The following DAB1 variants were observed in gnomAD, a reference collection of about 807,000 sequenced individuals.
The protein encoded by DAB1 is disabled homolog 1.
Under a neutral mutation model 64.6 loss-of-function variants are expected in DAB1, and 15 were observed. The ratio of observed to expected loss-of-function variants is 0.23; its 90% CI spans 0.16 to 0.36. The LOEUF (loss-of-function observed/expected upper bound fraction) is 0.36. Ranked by LOEUF, DAB1 falls within the 10% of genes least tolerant of loss-of-function variation. The pLI is 1.00. For synonymous variants in DAB1, 235 were observed against 251.9 expected (o/e 0.93, Z 0.64); for missense variants, 596 against 706.7 (o/e 0.84, Z 1.78).
At chr1:57,287,199 G>C (rs369999560) in intron 2 of DAB1, among the ~76,000 whole-genome samples, 3 of 152,304 alleles carry the variant, frequency 2.0e-5, no homozygotes, top group Admixed American at 1.3e-4. Context: ...AGCCTCCTGA[G>C]TAGCTGGGAC....
At position 57,839,379 on chromosome 1, in the gene DAB1, C is replaced by G. The variant is rs1296179875; in HGVS notation, n.88-12924G>C. 5.9e-5 allele frequency among the ~76,000 whole-genome samples: 9 copies of G among 152,028 alleles called. No individual in the cohort carries two copies. The East Asian group carries it at 1.7e-3, about 29-fold the overall frequency. The stretch of plus-strand genomic sequence containing the variant: ...CAACATTCCTGATGACATGAAGTGC[C>G]CCAGATCTCTCCTATTCTTCTCTGA... On this transcript the variant is annotated intron_variant and non_coding_transcript_variant, in intron 1 of 1. Coordinates refer to the DAB1 transcript ENST00000477280.
At chr1:58,392,167 G>C (rs1644481117) in intron 3 of DAB1, among the ~76,000 whole-genome samples, 1 of 152,152 alleles carries the variant, frequency 6.6e-6, no homozygotes, top group Non-Finnish European at 1.5e-5. Context: ...GCTAAGCGCA[G>C]AGTTGAGGGG....
chr1:57,526,076 T>G (rs1644589615), intron 7 of DAB1, among the ~76,000 whole-genome samples: 1 of 151,924 alleles, frequency 6.6e-6, no homozygotes, highest in Admixed American at 6.6e-5. Context: ...TAGCTGGGAC[T>G]ATAGGCACCC....
intron 6 of DAB1, among the ~76,000 whole-genome samples, chr1:57,706,583 G>A (rs1646969039): frequency 6.6e-6 from 1 of 152,168 alleles, no homozygotes; most frequent in Admixed American, 6.5e-5. Context: ...CCAAAGTGCT[G>A]CAATTACAGG....
intron 3 of DAB1, among the ~76,000 whole-genome samples, chr1:58,478,571 C>A (rs1645442574): frequency 6.6e-6 from 1 of 152,138 alleles, no homozygotes; most frequent in Admixed American, 6.6e-5. Context: ...CAGGGTTCCA[C>A]AACTACAGAA....
At chr1:58,415,256 C>G (rs1415204701) in intron 3 of DAB1, 1 of 154,924 alleles carries the variant, frequency 6.5e-6, no homozygotes, top group Non-Finnish European at 1.4e-5. Context: ...TGCTGTCACG[C>G]TGATCTCACA....
intron 7 of DAB1, among the ~76,000 whole-genome samples, chr1:57,643,383 AG>A (rs1481818496): frequency 3.9e-5 from 6 of 152,234 alleles, no homozygotes; most frequent in South Asian, 2.1e-4. Context: ...CTTTTTTAAA[AG>A]TCTCTTACTT....
intron 2 of DAB1, among the ~76,000 whole-genome samples, chr1:57,152,172 T>C (rs1256656663): frequency 6.6e-6 from 1 of 152,172 alleles, no homozygotes; most frequent in Non-Finnish European, 1.5e-5. Flanking sequence ...TTGGTATCAT[T>C]TGTGGCTGTC....
At position 57,015,033 on chromosome 1, in the gene DAB1, C is replaced by T. The variant is rs267598672; in HGVS notation, c.1294G>A (p.Asp432Asn). ...GAGGTACAGGTGAGGGAGGGCTGGT[C>T]GGGTTTGCGGGAGGGCACGGGCGGA... ...QPPPVPSRKP[D>N]QPSLTCTSEA... is the part of the protein sequence containing the mutation. The change falls in exon 12 of 15, where the codon GAC (aspartate) becomes AAC (asparagine). Residue 432 changes from aspartate to asparagine, a missense_variant. Physicochemically the swap from Asp to Asn is conservative, Grantham distance 23. This residue lies in a region of DAB1 where 377 missense variants were observed against 400.4 expected (regional missense o/e 0.94). Coordinates refer to ENST00000371236, the MANE Select transcript of DAB1 (RefSeq NM_001365792.1). 17 of 1,613,862 alleles carry T rather than the reference C, an allele frequency of 1.1e-5. No individual in the cohort carries two copies. The highest frequency in any genetic ancestry group is 1.6e-4 in the Middle Eastern group (1 of 6,062).
At chr1:58,120,782 C>T (rs926107244) in intron 5 of DAB1, among the ~76,000 whole-genome samples, 7 of 152,172 alleles carry the variant, frequency 4.6e-5, no homozygotes, top group Admixed American at 2.6e-4. Context: ...CCCTCACCTG[C>T]GGCCACATCA....
intron 6 of DAB1, among the ~76,000 whole-genome samples, chr1:57,760,873 C>A (rs533927657): frequency 2.0e-5 from 3 of 152,274 alleles, no homozygotes; most frequent in South Asian, 2.1e-4. Flanking sequence ...CACACCACAT[C>A]AGCTAGCATC....
At chr1:58,020,520 T>C (rs1441778502) in intron 5 of DAB1, among the ~76,000 whole-genome samples, 2 of 152,228 alleles carry the variant, frequency 1.3e-5, no homozygotes, top group South Asian at 4.1e-4. Flanking sequence ...CCAAGGTAAA[T>C]TCCAGCTATT....
At chr1:58,079,364 A>T (rs1477914130) in intron 5 of DAB1, among the ~76,000 whole-genome samples, 1 of 152,074 alleles carries the variant, frequency 6.6e-6, no homozygotes, top group Non-Finnish European at 1.5e-5. Flanking sequence ...TTACCACTGC[A>T]TCATGTACTT....
chr1:58,228,845 G>A (rs761009474), intron 4 of DAB1: 4 of 619,504 alleles, frequency 6.5e-6, no homozygotes, highest in South Asian at 2.9e-5. Context: ...GAGACACCAG[G>A]GAGCTCAGCA....
At chr1:57,008,781 A>T (rs1646174998) in intron 14 of DAB1, among the ~76,000 whole-genome samples, 1 of 152,148 alleles carries the variant, frequency 6.6e-6, no homozygotes, top group African/African-American at 2.4e-5. Context: ...AGTTACCATT[A>T]TGGAGAATAT....
intron 5 of DAB1, among the ~76,000 whole-genome samples, chr1:58,057,673 C>A (rs1648219191): frequency 6.6e-6 from 1 of 152,166 alleles, no homozygotes; most frequent in Admixed American, 6.5e-5. Context: ...CATAGCTTTG[C>A]CGACACCTTG....
At chr1:58,315,730 G>A (rs1203573172) in intron 4 of DAB1, among the ~76,000 whole-genome samples, 1 of 152,112 alleles carries the variant, frequency 6.6e-6, no homozygotes, top group East Asian at 1.9e-4. Flanking sequence ...TCAAGATGGG[G>A]ATGCAAAAGA....
intron 4 of DAB1, among the ~76,000 whole-genome samples, chr1:58,236,773 C>T (rs1660063310): frequency 6.6e-6 from 1 of 152,206 alleles, no homozygotes. Flanking sequence ...AATGTCAATG[C>T]TATAGTTCAA....
At chr1:57,122,105 T>G (rs1024027981) in intron 4 of DAB1, among the ~76,000 whole-genome samples, 1 of 152,168 alleles carries the variant, frequency 6.6e-6, no homozygotes, top group Non-Finnish European at 1.5e-5. Flanking sequence ...TGATTCCCTT[T>G]GCTTTGCTTG....
Sources: allele counts gnomAD v4.1 joint callset (sites outside exome capture counted in the v4.1 genomes callset), GRCh38; gene constraint gnomAD v4.1.1; regional missense constraint gnomAD v4.1.1; transcripts MANE v1.5; gene names NCBI Gene and HGNC (gene_info 2026-07-23, HGNC 2026-07-21).